Variants in TXLNB observed in about 807,000 individuals in gnomAD.
TXLNB encodes the protein taxilin beta.
Under a neutral mutation model 57.4 loss-of-function variants are expected in TXLNB, and 37 were observed. That is an observed-to-expected ratio of 0.64 (90% CI 0.50 to 0.85). The LOEUF is 0.85. Ranked by LOEUF, TXLNB falls within the 40% of genes least tolerant of loss-of-function variation. The pLI, the probability that TXLNB is intolerant of heterozygous loss-of-function variation, is 0.00. For missense variants in TXLNB, 848 were observed against 825.6 expected (o/e 1.03, Z -0.33); for synonymous variants, 302 against 309.6 (o/e 0.98, Z 0.26).
the TXLNB span, among the ~76,000 whole-genome samples, chr6:139,198,708 C>A: frequency 2.0e-5 from 3 of 152,124 alleles, no homozygotes; most frequent in Admixed American, 2.0e-4. Context: ...CTTGCATTGT[C>A]TTGGGTCTAG....
At chr6:139,269,696 G>C (rs1176211923) in intron 4 of TXLNB, among the ~76,000 whole-genome samples, 3 of 152,106 alleles carry the variant, frequency 2.0e-5, no homozygotes, top group African/African-American at 4.8e-5. Context: ...AGGAACACTG[G>C]TGTCTGATTA....
chr6:139,180,506 T>TATA, the TXLNB span: 1 of 152,676 alleles, frequency 6.5e-6, no homozygotes, highest in African/African-American at 2.4e-5. Flanking sequence ...TTTTATTTCC[T>TATA]ATAATAGGAT....
At chr6:139,266,993 G>T (rs1382415864) in intron 4 of TXLNB, among the ~76,000 whole-genome samples, 1 of 143,778 alleles carries the variant, frequency 7.0e-6, no homozygotes, top group African/African-American at 2.7e-5. Context: ...CCACGAATAG[G>T]TTCTCTCAAT....
chr6:139,256,785 A>G (rs1776355592), intron 6 of TXLNB, among the ~76,000 whole-genome samples: 1 of 152,266 alleles, frequency 6.6e-6, no homozygotes, highest in African/African-American at 2.4e-5. Flanking sequence ...CCTACGGAAC[A>G]TATTAAAAAT....
At chr6:139,269,136 C>G (rs1169387683) in intron 4 of TXLNB, 1 of 152,212 alleles carries the variant, frequency 6.6e-6, no homozygotes, top group Non-Finnish European at 1.5e-5. Context: ...AATTCCCAAG[C>G]TGAAGTGATC....
At chr6:139,278,831 C>T (rs375329687) in intron 2 of TXLNB, among the ~76,000 whole-genome samples, 28 of 152,178 alleles carry the variant, frequency 1.8e-4, no homozygotes, top group Non-Finnish European at 3.7e-4. Context: ...TGGTGAAACC[C>T]CATCTCTACT....
At chr6:139,316,317 T>C in the TXLNB span, among the ~76,000 whole-genome samples, 4 of 152,170 alleles carry the variant, frequency 2.6e-5, no homozygotes, top group African/African-American at 9.7e-5. Flanking sequence ...TAATATCTGA[T>C]CACCTTTGAT....
At chr6:139,315,636 G>A in the TXLNB span, among the ~76,000 whole-genome samples, 1 of 152,102 alleles carries the variant, frequency 6.6e-6, no homozygotes. Flanking sequence ...TAATATCCCA[G>A]GCAAGTTTGA....
downstream of TXLNB, among the ~76,000 whole-genome samples, chr6:139,239,839 CTTTCTCTCTCTG>C (rs1263082175): frequency 6.7e-6 from 1 of 149,202 alleles, no homozygotes; most frequent in African/African-American, 2.6e-5. The surrounding 1 kb of genome is among the most constrained non-coding windows in gnomAD (Gnocchi z 4.7). Flanking sequence ...TTCTCCCTCC[CTTTCTCTCTCTG>C]TCTCTCTCTG....
Position 139,242,972 on chromosome 6 carries a change from C to T in TXLNB, c.1609G>A (p.Ala537Thr). The change falls in exon 10 of 10, where the codon GCT becomes ACT. Residue 537 changes from alanine to threonine, a missense_variant. Ala to Thr is a moderately conservative substitution (Grantham distance 58, BLOSUM62 0). Transcript: ENST00000358430. ...GGGGGTTGCTCTGGCTCCTTGAGAGCGGCGTCAGCACTCTCCTGAGAACTG... is the reference window on the plus strand; with the variant it reads ...GGGGGTTGCTCTGGCTCCTTGAGAGTGGCGTCAGCACTCTCCTGAGAACTG... ...IGSSQESADA[A>T]LKEPEQPPLI... is the part of the protein sequence containing the mutation. 1 of 1,614,098 alleles carries T rather than the reference C, an allele frequency of 6.2e-7. No homozygotes were observed. Among genetic ancestry groups the T allele is most frequent in the Non-Finnish European group, 8.5e-7 (1 of 1,180,022 alleles).
chr6:139,201,300 T>C, the TXLNB span, among the ~76,000 whole-genome samples: 4 of 151,966 alleles, frequency 2.6e-5, no homozygotes, highest in African/African-American at 9.7e-5. Context: ...CAAAATGGAG[T>C]CACTCACGCT....
At chr6:139,194,642 C>T in the TXLNB span, among the ~76,000 whole-genome samples, 1 of 152,224 alleles carries the variant, frequency 6.6e-6, no homozygotes, top group African/African-American at 2.4e-5. Flanking sequence ...CTCTTGCTTA[C>T]CATATTGCAA....
At chr6:139,164,985 A>T in the TXLNB span, among the ~76,000 whole-genome samples, 1 of 152,200 alleles carries the variant, frequency 6.6e-6, no homozygotes, top group Non-Finnish European at 1.5e-5. Flanking sequence ...AAATAAAAAT[A>T]TCCCAAGCTG....
chr6:139,239,997 T>C (rs1775891206), downstream of TXLNB: 1 of 151,598 alleles, frequency 6.6e-6, no homozygotes. The surrounding 1 kb of genome is among the most constrained non-coding windows in gnomAD (Gnocchi z 4.7). Flanking sequence ...TGTCGAAACA[T>C]AGAAGTAATA....
chr6:139,218,474 C>T, the TXLNB span, among the ~76,000 whole-genome samples: 1 of 152,032 alleles, frequency 6.6e-6, no homozygotes, highest in Non-Finnish European at 1.5e-5. Flanking sequence ...AAATATAGGC[C>T]AGGCGTGGTG....
At position 139,242,457 on chromosome 6, in the gene TXLNB, T is replaced by C; in HGVS notation, c.*69A>G. The C allele has an allele frequency of 7.3e-7, 1 of 1,366,080 alleles. No individual in the cohort carries two copies. The highest frequency in any genetic ancestry group is 9.6e-7 in the Non-Finnish European group (1 of 1,040,812). 84.6% of individuals were successfully genotyped at this position (1,366,080 alleles called of 1,614,324 possible). A position where few individuals can be genotyped will look rare whatever the true frequency, so the allele number is the denominator to read the frequency against. On this transcript the variant is annotated 3_prime_UTR_variant, in exon 10 of 10. Transcript: ENST00000358430. The stretch of plus-strand genomic sequence containing the variant: ...GACATCTCTAGCCCTTAATGCCTTT[T>C]TCGGAAGACAAGCTGTTATGCTGAA...
chr6:139,185,503 C>T, the TXLNB span, among the ~76,000 whole-genome samples: 7,125 of 152,200 alleles, frequency 0.047, 178 homozygotes, highest in African/African-American at 0.064. Flanking sequence ...AGATCGAGAC[C>T]ATCCTGGCTA....
At chr6:139,206,653 G>A in the TXLNB span, among the ~76,000 whole-genome samples, 1 of 149,586 alleles carries the variant, frequency 6.7e-6, no homozygotes, top group African/African-American at 2.5e-5. Context: ...CAGCCTGGGC[G>A]ACAGAGTGAG....
chr6:139,299,597 G>C, the TXLNB span, among the ~76,000 whole-genome samples: 1 of 152,092 alleles, frequency 6.6e-6, no homozygotes, highest in Non-Finnish European at 1.5e-5. Context: ...CAGAATCTTG[G>C]TGAGGGAAGG....
Sources: gnomAD v4.1 joint callset for allele counts (sites outside exome capture counted in the v4.1 genomes callset) on GRCh38, gnomAD v4.1.1 for gene constraint, Gnocchi (gnomAD v3.1) non-coding constraint, MANE v1.5 for transcripts, NCBI Gene and HGNC (gene_info 2026-07-23, HGNC 2026-07-21) for gene names.